Variants in GDPD1 observed in about 807,000 individuals in gnomAD.
GDPD1 encodes lysophospholipase D GDPD1.
Under a neutral mutation model 45.1 loss-of-function variants are expected in GDPD1, and 28 were observed. The observed-to-expected ratio is 0.62, with a 90% CI of 0.46 to 0.85. The LOEUF (loss-of-function observed/expected upper bound fraction) is 0.85, where lower values mean the gene tolerates loss of function less well. Among genes scored for constraint, GDPD1 ranks in the 40% least tolerant of loss-of-function variants. The pLI is 0.00. For missense variants in GDPD1, 256 were observed against 364.8 expected (o/e 0.70, Z 2.43); for synonymous variants, 139 against 131.4 (o/e 1.06, Z -0.40).
At position 59,274,098 on chromosome 17, in the gene GDPD1, T is replaced by C. The variant is rs1180001321; in HGVS notation, c.*325T>C. 3 of 759,560 alleles carry C rather than the reference T, an allele frequency of 3.9e-6. No individual in the cohort carries two copies. The highest frequency in any genetic ancestry group is 1.2e-4 in the South Asian group (2 of 16,724). 47.1% of individuals were successfully genotyped at this position (759,560 alleles called of 1,614,324 possible). ...CATACACAGAAATGTACATACTACATCATCTACAGAAATCTTGATCAATAA... is the reference window on the plus strand; with the variant it reads ...CATACACAGAAATGTACATACTACACCATCTACAGAAATCTTGATCAATAA... On this transcript the variant is annotated 3_prime_UTR_variant, in exon 10 of 10. Coordinates refer to ENST00000284116, the MANE Select transcript of GDPD1 (RefSeq NM_182569.4).
chr17:59,263,350 A>G (rs1413141360), intron 6 of GDPD1, among the ~76,000 whole-genome samples: 1 of 152,122 alleles, frequency 6.6e-6, no homozygotes. Flanking sequence ...TTTGGCCTGT[A>G]ATCATAGAAC....
At position 59,275,061 on chromosome 17, in the gene GDPD1, C is replaced by G; in HGVS notation, c.*1288C>G. On this transcript the variant is annotated 3_prime_UTR_variant, in exon 10 of 10. Transcript: ENST00000284116. ...TTTGCCACGTTGGCCAGACTGGTCTCGAACTCCTGACCTCAGGTGATCCAC... is the reference window on the plus strand; with the variant it reads ...TTTGCCACGTTGGCCAGACTGGTCTGGAACTCCTGACCTCAGGTGATCCAC... 2 of 1,004,230 alleles carry G rather than the reference C, an allele frequency of 2.0e-6. No individual in the cohort carries two copies. Among genetic ancestry groups the G allele is most frequent in the South Asian group, 2.7e-5 (2 of 72,904 alleles). The allele number at this position is 1,004,230 out of a possible 1,614,324, so 62.2% of individuals were successfully genotyped here.
intron 2 of GDPD1, among the ~76,000 whole-genome samples, chr17:59,242,711 C>G (rs923507552): frequency 3.3e-5 from 5 of 152,122 alleles, no homozygotes; most frequent in African/African-American, 1.2e-4. Flanking sequence ...TCAAAGGTGA[C>G]GAGAGCAGGA....
intron 9 of GDPD1, 92 bp downstream of exon 9, chr17:59,272,928 G>T: frequency 6.2e-7 from 1 of 1,608,202 alleles, no homozygotes. Flanking sequence ...GACTTAGTTT[G>T]GCCCTTGACT....
chr17:59,220,980 C>T (rs1299681017), intron 1 of GDPD1, among the ~76,000 whole-genome samples: 1 of 151,496 alleles, frequency 6.6e-6, no homozygotes, highest in Non-Finnish European at 1.5e-5. Context: ...TCGAGGGCAG[C>T]AGTGTGAGGG....
At chr17:59,252,115 G>A (rs2147891387) in intron 4 of GDPD1, among the ~76,000 whole-genome samples, 1 of 146,078 alleles carries the variant, frequency 6.8e-6, no homozygotes, top group African/African-American at 2.5e-5. Context: ...ACCAGGCTGG[G>A]CACGGTGGCT....
chr17:59,265,087 C>T (rs900794074), intron 6 of GDPD1, among the ~76,000 whole-genome samples: 5 of 152,228 alleles, frequency 3.3e-5, no homozygotes, highest in South Asian at 2.1e-4. Context: ...GTGATCCACC[C>T]GCCTTGGCCT....
chr17:59,260,267 C>A (rs2047345220), intron 6 of GDPD1, among the ~76,000 whole-genome samples: 1 of 151,342 alleles, frequency 6.6e-6, no homozygotes, highest in African/African-American at 2.4e-5. Context: ...GTCGGCCAGG[C>A]ACAGTGGCTC....
chr17:59,271,351 A>G (rs2047442533), intron 8 of GDPD1, among the ~76,000 whole-genome samples: 2 of 152,194 alleles, frequency 1.3e-5, no homozygotes, highest in African/African-American at 4.8e-5. Context: ...CAGTATATAT[A>G]AAAGTGTATG....
chr17:59,251,436 T>C (rs2047252855), intron 4 of GDPD1, among the ~76,000 whole-genome samples: 2 of 151,826 alleles, frequency 1.3e-5, no homozygotes, highest in Admixed American at 1.3e-4. Flanking sequence ...GGGGAATCAC[T>C]TCAACCTGGG....
intron 7 of GDPD1, among the ~76,000 whole-genome samples, chr17:59,267,662 A>G (rs1040404843): frequency 1.3e-5 from 2 of 151,440 alleles, no homozygotes; most frequent in Non-Finnish European, 2.9e-5. Context: ...CTGTTTTTAT[A>G]GTGGTTTTTT....
Position 59,274,181 on chromosome 17 carries a change from C to A in GDPD1, c.*408C>A, listed in dbSNP as rs2047463628. 11 of 973,944 alleles carry A rather than the reference C, an allele frequency of 1.1e-5. No individual in the cohort carries two copies. Among genetic ancestry groups the A allele is most frequent in the Non-Finnish European group, 1.3e-5 (11 of 820,484 alleles). The allele number at this position is 973,944 out of a possible 1,614,324, so 60.3% of individuals were successfully genotyped here. Reference sequence around the variant, plus strand: ...AGATTTCTGTAGATGATGCAGTGTTCTATCATAAGTAATTCTGGAATCAAA... The same window carrying A: ...AGATTTCTGTAGATGATGCAGTGTTATATCATAAGTAATTCTGGAATCAAA... On this transcript the variant is annotated 3_prime_UTR_variant, in exon 10 of 10. Coordinates refer to ENST00000284116, the MANE Select transcript of GDPD1 (RefSeq NM_182569.4).
chr17:59,238,888 C>T (rs1024325623), intron 2 of GDPD1, among the ~76,000 whole-genome samples: 3 of 152,112 alleles, frequency 2.0e-5, no homozygotes, highest in Non-Finnish European at 2.9e-5. Context: ...GAGACAGAGC[C>T]TCCTTCATAG....
chr17:59,234,180 T>G (rs535556958), intron 1 of GDPD1, among the ~76,000 whole-genome samples: 1 of 151,704 alleles, frequency 6.6e-6, no homozygotes, highest in African/African-American at 2.4e-5. Flanking sequence ...ACCCCGTCTC[T>G]ACTAAAAATA....
chr17:59,275,317 A>T lies in GDPD1; in HGVS notation c.*1544A>T. The T allele has an allele frequency of 1.3e-6, 1 of 754,516 alleles. No individual in the cohort carries two copies. Among genetic ancestry groups the T allele is most frequent in the Admixed American group, 2.5e-5 (1 of 39,962 alleles). The allele number at this position is 754,516 out of a possible 1,614,324, so 46.7% of individuals were successfully genotyped here. A position where few individuals can be genotyped will look rare whatever the true frequency, so the allele number is the denominator to read the frequency against. Reference sequence around the variant, plus strand: ...GCCAGGCTCAAGAAAATAAAAGTTGATTAGTTGATCAGAAATAAAATCTGT... The same window carrying T: ...GCCAGGCTCAAGAAAATAAAAGTTGTTTAGTTGATCAGAAATAAAATCTGT... On this transcript the variant is annotated 3_prime_UTR_variant, in exon 10 of 10. Coordinates refer to ENST00000284116, the MANE Select transcript of GDPD1 (RefSeq NM_182569.4).
chr17:59,252,464 C>A (rs1267142923), intron 4 of GDPD1, among the ~76,000 whole-genome samples: 1 of 151,342 alleles, frequency 6.6e-6, no homozygotes, highest in Non-Finnish European at 1.5e-5. Context: ...GTCTTGAATT[C>A]CTGACCTCAG....
At chr17:59,269,959 T>A (rs2047432325) in intron 7 of GDPD1, among the ~76,000 whole-genome samples, 1 of 152,146 alleles carries the variant, frequency 6.6e-6, no homozygotes, top group Non-Finnish European at 1.5e-5. Context: ...AAGAACAAAC[T>A]CCACAGAATT....
intron 6 of GDPD1, among the ~76,000 whole-genome samples, chr17:59,263,768 C>T (rs1296726950): frequency 6.6e-6 from 1 of 151,922 alleles, no homozygotes; most frequent in Non-Finnish European, 1.5e-5. Flanking sequence ...GTGTGAGCCA[C>T]CACGCCCAGC....
intron 1 of GDPD1, among the ~76,000 whole-genome samples, chr17:59,231,749 G>A (rs1282109327): frequency 1.3e-5 from 2 of 151,928 alleles, no homozygotes; most frequent in African/African-American, 4.8e-5. Flanking sequence ...GACTAACATC[G>A]TTGACTCCTT....
Sources: gnomAD v4.1 joint callset for allele counts (sites outside exome capture counted in the v4.1 genomes callset) on GRCh38, gnomAD v4.1.1 for gene constraint, MANE v1.5 for transcripts, NCBI Gene and HGNC (gene_info 2026-07-23, HGNC 2026-07-21) for gene names.